UMAD1: variants seen among roughly 807,000 people sequenced by gnomAD.
The protein encoded by UMAD1 is UBAP1-MVB12-associated (UMA) domain containing 1, also known as UBAP1-MVB12-associated (UMA)-domain containing protein 1.
In UMAD1, 8 loss-of-function variants were observed where a neutral mutation model predicts 6.1. That is an observed-to-expected ratio of 1.30 (90% CI 0.76 to 2.35). UMAD1 has a LOEUF of 2.35. UMAD1 is among the 30% of genes most tolerant of loss of function. The probability of loss-of-function intolerance (pLI) is 0.00; values close to 1 mark genes in which losing one functional copy is unlikely to be tolerated. For synonymous variants in UMAD1, 56 were observed against 31.4 expected (o/e 1.78, Z -2.61); for missense variants, 130 against 78.4 (o/e 1.66, Z -2.49).
chr7:7,773,540 C>T (rs1033956566), intron 2 of UMAD1, among the ~76,000 whole-genome samples: 1 of 151,984 alleles, frequency 6.6e-6, no homozygotes. Flanking sequence ...CTTTCAAGGT[C>T]AGAGGGAGCT....
intron 2 of UMAD1, among the ~76,000 whole-genome samples, chr7:7,796,240 C>CTTTTTTTTTTTT (rs1782675248): frequency 2.1e-5 from 2 of 95,984 alleles, no homozygotes; most frequent in African/African-American, 1.1e-4. Context: ...TTTCTATTTT[C>CTTTTTTTTTTTT]TTTCTTTTTT....
At position 7,817,662 on chromosome 7, in the gene UMAD1, G is replaced by A. The variant is rs1783158492; in HGVS notation, c.156+15919G>A. Among the ~76,000 whole-genome samples, 3 of 152,176 alleles carry A rather than the reference G, an allele frequency of 2.0e-5. No homozygotes were observed. The South Asian group carries it at 6.2e-4, about 32-fold the overall frequency. ...CTTGTCCAATTTAACCTGCCACATT[G>A]ATTTTTTATTTGTTATGTATTATGA... is the stretch of plus-strand genomic sequence containing the variant. On this transcript the variant is annotated intron_variant, in intron 3 of 3. Coordinates refer to ENST00000682710, the MANE Select transcript of UMAD1 (RefSeq NM_001302348.2).
chr7:7,725,864 T>G (rs1781129293), intron 2 of UMAD1, among the ~76,000 whole-genome samples: 1 of 152,212 alleles, frequency 6.6e-6, no homozygotes, highest in African/African-American at 2.4e-5. Flanking sequence ...TAGGGTCTGG[T>G]TCACAGATGG....
At chr7:7,699,708 A>G (rs1780409815) in intron 2 of UMAD1, among the ~76,000 whole-genome samples, 2 of 152,198 alleles carry the variant, frequency 1.3e-5, no homozygotes, top group African/African-American at 4.8e-5. Flanking sequence ...ATATTTTTCA[A>G]TTCCACAACT....
rs1785089383 is a variant in UMAD1, at chr7:7,646,169, C to T, written c.-64+5348C>T. ...GTCAGTGTGACAGCCTTTTTGGGTTCCCACACCCAGTGCATCCTGAATTCT... is the reference window on the plus strand; with the variant it reads ...GTCAGTGTGACAGCCTTTTTGGGTTTCCACACCCAGTGCATCCTGAATTCT... On this transcript the variant is annotated intron_variant, in intron 1 of 3. Coordinates refer to ENST00000682710, the MANE Select transcript of UMAD1 (RefSeq NM_001302348.2). Among the ~76,000 whole-genome samples, 4 of 152,030 alleles carry T rather than the reference C, an allele frequency of 2.6e-5. No individual in the cohort carries two copies. In the South Asian group the frequency reaches 8.3e-4, roughly 31 times the overall value.
At chr7:7,744,321 A>T (rs888656347) in intron 2 of UMAD1, among the ~76,000 whole-genome samples, 6 of 152,098 alleles carry the variant, frequency 3.9e-5, no homozygotes, top group Non-Finnish European at 5.9e-5. Flanking sequence ...CTATTCACTG[A>T]TTGATGGACA....
intron 2 of UMAD1, among the ~76,000 whole-genome samples, chr7:7,775,779 G>C (rs899337918): frequency 6.6e-6 from 1 of 152,162 alleles, no homozygotes; most frequent in Non-Finnish European, 1.5e-5. Context: ...ACTATATGAT[G>C]CAGCTATTCT....
intron 3 of UMAD1, among the ~76,000 whole-genome samples, chr7:7,834,776 A>G (rs1478174260): frequency 6.6e-6 from 1 of 152,154 alleles, no homozygotes; most frequent in African/African-American, 2.4e-5. Context: ...ATATGAATTG[A>G]ACGTATGGGT....
intron 2 of UMAD1, among the ~76,000 whole-genome samples, chr7:7,777,645 T>C (rs1023760815): frequency 6.8e-6 from 1 of 147,872 alleles, no homozygotes; most frequent in African/African-American, 2.6e-5. Flanking sequence ...AAAAAATTTA[T>C]GTTGTTCAGT....
At chr7:7,791,497 T>C (rs570818907) in intron 2 of UMAD1, among the ~76,000 whole-genome samples, 23 of 152,370 alleles carry the variant, frequency 1.5e-4, no homozygotes, top group Non-Finnish European at 3.1e-4. Context: ...ATTGTACAAA[T>C]GTACATATAC....
intron 2 of UMAD1, among the ~76,000 whole-genome samples, chr7:7,794,209 G>T (rs1373407749): frequency 6.6e-6 from 1 of 152,144 alleles, no homozygotes; most frequent in Admixed American, 6.5e-5. Flanking sequence ...ATGCAGACAG[G>T]CTCCAACCCA....
intron 2 of UMAD1, among the ~76,000 whole-genome samples, chr7:7,744,985 T>C (rs1781543896): frequency 1.3e-5 from 2 of 152,224 alleles, no homozygotes; most frequent in Non-Finnish European, 2.9e-5. Flanking sequence ...AAACTACTAA[T>C]AGCCTACTGT....
intron 2 of UMAD1, among the ~76,000 whole-genome samples, chr7:7,721,413 C>T (rs1781046409): frequency 6.6e-6 from 1 of 152,148 alleles, no homozygotes. Context: ...AATGTTAAGG[C>T]ACCTGCGTGA....
At chr7:7,816,039 A>T (rs974459381) in intron 3 of UMAD1, among the ~76,000 whole-genome samples, 2 of 151,372 alleles carry the variant, frequency 1.3e-5, no homozygotes, top group Admixed American at 6.6e-5. Flanking sequence ...ACATTAATTT[A>T]AAAAAAAATC....
chr7:7,694,822 A>G (rs956985086), intron 2 of UMAD1, among the ~76,000 whole-genome samples: 4 of 152,178 alleles, frequency 2.6e-5, no homozygotes, highest in Non-Finnish European at 5.9e-5. Flanking sequence ...AATCTTAGCT[A>G]TTGTGAATAG....
At chr7:7,665,534 A>C (rs1287981949) in intron 1 of UMAD1, among the ~76,000 whole-genome samples, 2 of 152,236 alleles carry the variant, frequency 1.3e-5, no homozygotes, top group Non-Finnish European at 2.9e-5. Context: ...AACTTTATTG[A>C]GATTGGATCA....
intron 2 of UMAD1, among the ~76,000 whole-genome samples, chr7:7,777,668 G>A (rs1242927373): frequency 6.7e-6 from 1 of 148,258 alleles, no homozygotes; most frequent in Non-Finnish European, 1.5e-5. Context: ...AATATCTGTA[G>A]AGTAAATGTT....
intron 2 of UMAD1, among the ~76,000 whole-genome samples, chr7:7,729,179 G>C (rs1781199034): frequency 6.6e-6 from 1 of 152,200 alleles, no homozygotes; most frequent in African/African-American, 2.4e-5. Flanking sequence ...AGGGAACATA[G>C]CACATTTGGT....
chr7:7,663,686 T>C (rs1206111309), intron 1 of UMAD1, among the ~76,000 whole-genome samples: 2 of 152,162 alleles, frequency 1.3e-5, no homozygotes, highest in Non-Finnish European at 2.9e-5. Context: ...AAAAGAGAAC[T>C]CAAAGCCTCA....
Sources: allele counts gnomAD v4.1 joint callset (sites outside exome capture counted in the v4.1 genomes callset), GRCh38; gene constraint gnomAD v4.1.1; transcripts MANE v1.5; gene names NCBI Gene and HGNC (gene_info 2026-07-23, HGNC 2026-07-21).